The following DIP2C variants were observed in gnomAD, a reference collection of about 807,000 sequenced individuals.
The protein encoded by DIP2C is DIP2 acetate--CoA ligase C (putative), also known as disco-interacting protein 2 homolog C.
Under a neutral mutation model 192.4 loss-of-function variants are expected in DIP2C, and 33 were observed. That is an observed-to-expected ratio of 0.17 (90% CI 0.13 to 0.23). The LOEUF is 0.23. Among genes scored for constraint, DIP2C ranks in the 10% least tolerant of loss-of-function variants. DIP2C has a pLI of 1.00. For missense variants in DIP2C, 1,537 were observed against 2,110.1 expected (o/e 0.73, Z 5.32); for synonymous variants, 979 against 864.1 (o/e 1.13, Z -2.33).
intron 1 of DIP2C, among the ~76,000 whole-genome samples, chr10:572,623 A>G (rs1849895080): frequency 6.6e-6 from 1 of 152,258 alleles, no homozygotes; most frequent in Non-Finnish European, 1.5e-5. Context: ...AAGCACTCAC[A>G]CGGTCAACAT....
intron 24 of DIP2C, among the ~76,000 whole-genome samples, chr10:354,277 C>T (rs1002616649): frequency 1.3e-5 from 2 of 152,294 alleles, no homozygotes; most frequent in African/African-American, 4.8e-5. Flanking sequence ...TTTAGAGAAC[C>T]GGAATCATTT....
At chr10:575,406 G>A (rs1850088722) in intron 1 of DIP2C, among the ~76,000 whole-genome samples, 2 of 152,208 alleles carry the variant, frequency 1.3e-5, no homozygotes, top group South Asian at 2.1e-4. Flanking sequence ...CACGAGGGGA[G>A]CAGTGAGAGA....
chr10:662,159 C>T (rs1476616671), intron 1 of DIP2C: 2 of 716,416 alleles, frequency 2.8e-6, no homozygotes, highest in South Asian at 1.5e-5. Flanking sequence ...AACTTTCTGC[C>T]CTCAGATAGG....
chr10:566,841 A>T (rs1373290462), intron 1 of DIP2C, among the ~76,000 whole-genome samples: 1 of 152,212 alleles, frequency 6.6e-6, no homozygotes, highest in South Asian at 2.1e-4. Context: ...ATGCACAGCT[A>T]GCGTGCCACA....
At chr10:542,679 G>A (rs968151925) in intron 1 of DIP2C, among the ~76,000 whole-genome samples, 7 of 152,186 alleles carry the variant, frequency 4.6e-5, no homozygotes, top group Admixed American at 1.3e-4. Flanking sequence ...ATTGGGAAGT[G>A]GGGGGTTCTG....
chr10:564,838 G>A (rs1188624659), intron 1 of DIP2C, among the ~76,000 whole-genome samples: 1 of 152,068 alleles, frequency 6.6e-6, no homozygotes, highest in African/African-American at 2.4e-5. Flanking sequence ...AGCAGAAACT[G>A]GAAAACAACA....
chr10:583,916 T>C (rs977280186), intron 1 of DIP2C, among the ~76,000 whole-genome samples: 9 of 152,138 alleles, frequency 5.9e-5, no homozygotes, highest in African/African-American at 1.7e-4. Context: ...AGAGATCGCC[T>C]GTAATGACGC....
intron 1 of DIP2C, among the ~76,000 whole-genome samples, chr10:556,503 G>A (rs1848881641): frequency 6.7e-6 from 1 of 150,268 alleles, no homozygotes. Context: ...GACTCTACCA[G>A]GACATTTTGG....
chr10:389,574 C>T (rs561623047), intron 13 of DIP2C, among the ~76,000 whole-genome samples: 7 of 152,334 alleles, frequency 4.6e-5, no homozygotes, highest in East Asian at 1.9e-4. Flanking sequence ...GCGTTAACAG[C>T]GTCTCCCCAG....
In DIP2C at chr10:357,753, G is replaced by A. The variant is rs1959158457; in HGVS notation, c.2904+75C>T. 57 of 1,142,508 alleles carry A rather than the reference G, an allele frequency of 5.0e-5. 1 individual carries two copies. In the South Asian group the frequency reaches 6.9e-4, roughly 14 times the overall value. 70.8% of individuals were successfully genotyped at this position (1,142,508 alleles called of 1,614,324 possible). On this transcript the variant is annotated intron_variant, in intron 23 of 36. Transcript: ENST00000280886. Reference sequence around the variant, plus strand: ...GGTAGGGGACAGTCGGGTACTGTCGGGGATGGTCGCAGATGGTCGGGGACA... The same window carrying A: ...GGTAGGGGACAGTCGGGTACTGTCGAGGATGGTCGCAGATGGTCGGGGACA...
chr10:649,960 C>G, intron 1 of DIP2C: 1 of 614,822 alleles, frequency 1.6e-6, no homozygotes. Context: ...CACATCAAAA[C>G]GGAAAAGGAA....
chr10:371,969 C>T (rs1173714164), intron 17 of DIP2C, among the ~76,000 whole-genome samples: 2 of 151,876 alleles, frequency 1.3e-5, no homozygotes, highest in Non-Finnish European at 2.9e-5. Flanking sequence ...CTAGGCTAGC[C>T]AAGATTGAGA....
intron 3 of DIP2C, 66 bp from the exon 4 acceptor site, chr10:441,062 C>G: frequency 1.3e-6 from 2 of 1,541,058 alleles, no homozygotes; most frequent in Non-Finnish European, 1.7e-6. Flanking sequence ...CTGCACCCTC[C>G]TCTCTGTCCC....
chr10:639,155 AG>A (rs1855002830), intron 1 of DIP2C, among the ~76,000 whole-genome samples: 2 of 139,716 alleles, frequency 1.4e-5, no homozygotes, highest in African/African-American at 2.7e-5. Flanking sequence ...TCAGGTCGGG[AG>A]GGTGCTGCCC....
intron 1 of DIP2C, among the ~76,000 whole-genome samples, chr10:641,516 C>T (rs116661142): frequency 7.4e-4 from 112 of 152,334 alleles, no homozygotes; most frequent in African/African-American, 2.5e-3. Flanking sequence ...AACGCCCCTC[C>T]TCTCCCACCT....
At chr10:535,594 G>A (rs1027351062) in intron 1 of DIP2C, among the ~76,000 whole-genome samples, 1 of 152,092 alleles carries the variant, frequency 6.6e-6, no homozygotes, top group South Asian at 2.1e-4. Context: ...CGAAACACAC[G>A]AGATTCAGTG....
chr10:491,689 GGA>G (rs1422318907), intron 1 of DIP2C, among the ~76,000 whole-genome samples: 36 of 152,216 alleles, frequency 2.4e-4, no homozygotes, highest in African/African-American at 8.2e-4. Flanking sequence ...TGCCGCAGAT[GGA>G]GAGATCAAAC....
chr10:578,446 A>C (rs57245275), intron 1 of DIP2C, among the ~76,000 whole-genome samples: 5,864 of 152,252 alleles, frequency 0.039, 164 homozygotes, highest in East Asian at 0.15. Context: ...TGAAATCACC[A>C]AGTCCCTGTT....
chr10:393,643 A>G (rs974788232), intron 10 of DIP2C, among the ~76,000 whole-genome samples: 3 of 152,040 alleles, frequency 2.0e-5, no homozygotes, highest in Non-Finnish European at 2.9e-5. Flanking sequence ...GCCAGGTGCC[A>G]TGGTACGCGC....
Sources: allele counts gnomAD v4.1 joint callset (sites outside exome capture counted in the v4.1 genomes callset), GRCh38; gene constraint gnomAD v4.1.1; transcripts MANE v1.5; gene names NCBI Gene and HGNC (gene_info 2026-07-23, HGNC 2026-07-21).